The following ADAM10 variants were observed in gnomAD, a reference collection of about 807,000 sequenced individuals.
The protein encoded by ADAM10 is ADAM metallopeptidase domain 10, also known as disintegrin and metalloproteinase domain-containing protein 10.
A neutral mutation model predicts 90.1 loss-of-function variants in ADAM10; 17 were observed. That is an observed-to-expected ratio of 0.19 (90% CI 0.13 to 0.28). The LOEUF (loss-of-function observed/expected upper bound fraction) is 0.28, where lower values mean the gene tolerates loss of function less well. ADAM10 is among the 10% of genes least tolerant of loss of function. The pLI, the probability that ADAM10 is intolerant of heterozygous loss-of-function variation, is 1.00. For synonymous variants in ADAM10, 310 were observed against 298.6 expected (o/e 1.04, Z -0.40); for missense variants, 610 against 914.3 (o/e 0.67, Z 4.29).
At chr15:58,613,530 A>T (rs1482389250) in intron 11 of ADAM10, among the ~76,000 whole-genome samples, 1 of 152,234 alleles carries the variant, frequency 6.6e-6, no homozygotes, top group Admixed American at 6.5e-5. Flanking sequence ...GACACAAGAA[A>T]ATATAGATAA....
intron 1 of ADAM10, among the ~76,000 whole-genome samples, chr15:58,718,736 G>C (rs1376254616): frequency 6.6e-6 from 1 of 152,086 alleles, no homozygotes; most frequent in African/African-American, 2.4e-5. Flanking sequence ...TCCACATATG[G>C]GCTGATTAGA....
At chr15:58,605,575 A>C (rs1249585868) in intron 14 of ADAM10, among the ~76,000 whole-genome samples, 2 of 152,204 alleles carry the variant, frequency 1.3e-5, no homozygotes, top group African/African-American at 4.8e-5. Context: ...TCTCAAAAGA[A>C]AAGATCACAA....
intron 2 of ADAM10, among the ~76,000 whole-genome samples, chr15:58,691,877 T>C (rs1236031513): frequency 1.3e-5 from 2 of 151,990 alleles, no homozygotes; most frequent in African/African-American, 4.8e-5. Context: ...GCTTTCACCA[T>C]GTTGACCAGG....
intron 2 of ADAM10, among the ~76,000 whole-genome samples, chr15:58,699,470 A>C (rs1898069957): frequency 1.3e-5 from 2 of 152,194 alleles, no homozygotes; most frequent in African/African-American, 4.8e-5. Context: ...GGAACAAAGA[A>C]TATACAGGCT....
At chr15:58,743,987 T>A (rs1231114399) in intron 1 of ADAM10, among the ~76,000 whole-genome samples, 5 of 152,230 alleles carry the variant, frequency 3.3e-5, no homozygotes, top group African/African-American at 1.2e-4. Flanking sequence ...TTAATACCAA[T>A]AATCTAGTAT....
At chr15:58,659,025 G>A (rs754522673) in intron 5 of ADAM10, among the ~76,000 whole-genome samples, 7 of 151,934 alleles carry the variant, frequency 4.6e-5, no homozygotes, top group African/African-American at 1.2e-4. Flanking sequence ...CTGTAATCTC[G>A]GCACTTTGGG....
intron 2 of ADAM10, among the ~76,000 whole-genome samples, chr15:58,690,636 A>AT (rs1435639720): frequency 1.3e-5 from 2 of 152,160 alleles, no homozygotes; most frequent in Non-Finnish European, 2.9e-5. Flanking sequence ...AAAATACTAG[A>AT]TATCAGCAGA....
At chr15:58,687,090 C>A (rs1418363897) in intron 2 of ADAM10, among the ~76,000 whole-genome samples, 13 of 152,094 alleles carry the variant, frequency 8.5e-5, no homozygotes, top group Non-Finnish European at 5.9e-5. Flanking sequence ...ATTTACAATT[C>A]CTAAATGAAG....
At chr15:58,644,006 G>A (rs752638888) in intron 6 of ADAM10, 28 bp from the exon 7 acceptor site, 3 of 1,471,534 alleles carry the variant, frequency 2.0e-6, no homozygotes, top group South Asian at 1.1e-5. Context: ...GAACATTTTA[G>A]AGGCAATGTT....
At chr15:58,655,877 G>C (rs1316075985) in intron 5 of ADAM10, among the ~76,000 whole-genome samples, 1 of 148,560 alleles carries the variant, frequency 6.7e-6, no homozygotes, top group African/African-American at 2.5e-5. Flanking sequence ...CTCCTGAGTA[G>C]CTGGGATTAC....
chr15:58,628,562 G>C (rs777270186), intron 9 of ADAM10, among the ~76,000 whole-genome samples: 3 of 152,136 alleles, frequency 2.0e-5, no homozygotes, highest in Non-Finnish European at 4.4e-5. Flanking sequence ...TGAAGAGTCA[G>C]ATACATACAG....
At chr15:58,743,509 G>A (rs1252414137) in intron 1 of ADAM10, among the ~76,000 whole-genome samples, 1 of 152,076 alleles carries the variant, frequency 6.6e-6, no homozygotes, top group East Asian at 1.9e-4. Context: ...CACCAAAATG[G>A]TAACACAGTT....
In ADAM10 at chr15:58,590,324, C is replaced by T. The variant is rs954072187; in HGVS notation, c.*7223G>A. 2.6e-5 allele frequency: 4 copies of T among 152,258 alleles called. No individual in the cohort carries two copies. The highest frequency in any genetic ancestry group is 5.9e-5 in the Non-Finnish European group (4 of 68,068). 9.4% of individuals were successfully genotyped at this position (152,258 alleles called of 1,614,324 possible). A position where few individuals can be genotyped will look rare whatever the true frequency, so the allele number is the denominator to read the frequency against. On this transcript the variant is annotated 3_prime_UTR_variant, in exon 16 of 16. Transcript: ENST00000260408. ...ATTGTACATTTATTCACATGATTATCTGATATCTATCTCACCTACAAGACC... is the reference window on the plus strand; with the variant it reads ...ATTGTACATTTATTCACATGATTATTTGATATCTATCTCACCTACAAGACC...
At chr15:58,637,718 T>C (rs947990316) in intron 8 of ADAM10, among the ~76,000 whole-genome samples, 1 of 151,840 alleles carries the variant, frequency 6.6e-6, no homozygotes, top group Admixed American at 6.6e-5. Flanking sequence ...ATTGTATTTA[T>C]ATATATATAA....
At chr15:58,611,523 T>C (rs1240604521) in intron 12 of ADAM10, 1 of 355,956 alleles carries the variant, frequency 2.8e-6, no homozygotes, top group African/African-American at 2.1e-5. Flanking sequence ...TTATTTAGGC[T>C]ACTGAAATAT....
intron 10 of ADAM10, among the ~76,000 whole-genome samples, chr15:58,621,961 T>A (rs1186208174): frequency 6.6e-6 from 1 of 151,972 alleles, no homozygotes; most frequent in African/African-American, 2.4e-5. Context: ...AAGTTAGTGC[T>A]TCACTAACCA....
intron 5 of ADAM10, among the ~76,000 whole-genome samples, chr15:58,662,837 C>T (rs12906705): frequency 0.28 from 42,948 of 152,034 alleles, 8,712 homozygotes; most frequent in African/African-American, 0.57. Flanking sequence ...TCAGGTATTG[C>T]GCCCGTAAGT....
At chr15:58,651,179 G>A (rs1307749736) in intron 5 of ADAM10, among the ~76,000 whole-genome samples, 1 of 151,904 alleles carries the variant, frequency 6.6e-6, no homozygotes, top group East Asian at 1.9e-4. Flanking sequence ...ACTTTGATAG[G>A]AATGCAATGT....
chr15:58,683,177 A>G (rs1381902449), intron 2 of ADAM10, among the ~76,000 whole-genome samples: 1 of 152,198 alleles, frequency 6.6e-6, no homozygotes, highest in African/African-American at 2.4e-5. Context: ...ATTAGCTAAC[A>G]TTACTCAACT....
Sources: allele counts gnomAD v4.1 joint callset (sites outside exome capture counted in the v4.1 genomes callset), GRCh38; gene constraint gnomAD v4.1.1; transcripts MANE v1.5; gene names NCBI Gene and HGNC (gene_info 2026-07-23, HGNC 2026-07-21).